Variants in BMPR2 observed in about 807,000 individuals in gnomAD.
BMPR2 encodes the protein bone morphogenetic protein receptor type-2.
Under a neutral mutation model 100.8 loss-of-function variants are expected in BMPR2, and 29 were observed. The observed-to-expected ratio is 0.29, with a 90% CI of 0.21 to 0.39. The LOEUF (loss-of-function observed/expected upper bound fraction) is 0.39. BMPR2 is among the 10% of genes least tolerant of loss of function. BMPR2 has a pLI of 1.00. For synonymous variants in BMPR2, 382 were observed against 442.3 expected, an observed-to-expected ratio of 0.86 and a Z score of 1.71; for missense variants, 1,011 against 1,274.5, an observed-to-expected ratio of 0.79 and a Z score of 3.15.
chr2:202,444,510 G>T (rs1691812438), intron 1 of BMPR2, among the ~76,000 whole-genome samples: 1 of 150,616 alleles, frequency 6.6e-6, no homozygotes, highest in Non-Finnish European at 1.5e-5. Context: ...TTGTGTTGGT[G>T]TTGGTGTATA....
At chr2:202,379,943 C>T (rs567136989) in intron 1 of BMPR2, among the ~76,000 whole-genome samples, 75 of 152,132 alleles carry the variant, frequency 4.9e-4, no homozygotes, top group Non-Finnish European at 9.1e-4. Context: ...CCACAACTTC[C>T]GCCTCCCAGG....
Position 202,464,943 on chromosome 2 carries a change from G to C in BMPR2, c.211G>C (p.Glu71Gln). 6.2e-7 allele frequency: 1 copy of C among 1,614,084 alleles called. No individual in the cohort carries two copies. Among genetic ancestry groups the C allele is most frequent in the Non-Finnish European group, 8.5e-7 (1 of 1,180,020 alleles). ...AGGTAGCACCTGCTATGGCCTTTGG[G>C]AGAAATCAAAAGGGGACATAAATCT... ...SKGSTCYGLWEKSKGDINLVK... is the reference protein window; with the variant it reads ...SKGSTCYGLWQKSKGDINLVK... Residue 71 changes from glutamate to glutamine, a missense_variant, in exon 2 of 13, where the codon GAG becomes CAG. Glu to Gln is a conservative substitution (Grantham distance 29). Transcript: ENST00000374580.
At chr2:202,404,841 CT>C (rs145762044) in intron 1 of BMPR2, among the ~76,000 whole-genome samples, 5 of 150,930 alleles carry the variant, frequency 3.3e-5, no homozygotes, top group Admixed American at 6.6e-5. Flanking sequence ...TGGGTGGAGA[CT>C]TTTTTTTTAA....
At chr2:202,526,242 C>T (rs1687909809) in intron 7 of BMPR2, among the ~76,000 whole-genome samples, 1 of 152,108 alleles carries the variant, frequency 6.6e-6, no homozygotes, top group Non-Finnish European at 1.5e-5. Flanking sequence ...CCCAAAGTTA[C>T]CTTTGCTATA....
chr2:202,515,126 C>T (rs1341918913), intron 5 of BMPR2, 147 bp downstream of exon 5: 3 of 772,074 alleles, frequency 3.9e-6, no homozygotes, highest in African/African-American at 3.4e-5. Context: ...ATTCTAGGCA[C>T]TAGGAACATA....
intron 1 of BMPR2, among the ~76,000 whole-genome samples, chr2:202,444,229 AAGT>A (rs1691804833): frequency 6.6e-6 from 1 of 150,782 alleles, no homozygotes; most frequent in African/African-American, 2.5e-5. Context: ...CAAATAAAAG[AAGT>A]AGGTTACTGC....
chr2:202,504,354 C>T (rs1208904051), intron 3 of BMPR2, among the ~76,000 whole-genome samples: 1 of 152,034 alleles, frequency 6.6e-6, no homozygotes, highest in Non-Finnish European at 1.5e-5. Context: ...CTGAAGCCAG[C>T]GAGACCAGGA....
At chr2:202,452,373 A>T (rs1692008053) in intron 1 of BMPR2, among the ~76,000 whole-genome samples, 1 of 152,184 alleles carries the variant, frequency 6.6e-6, no homozygotes, top group Non-Finnish European at 1.5e-5. Context: ...CATTTTGTTG[A>T]TCACCAATTT....
chr2:202,379,408 C>A (rs574344042), intron 1 of BMPR2, among the ~76,000 whole-genome samples: 1 of 152,326 alleles, frequency 6.6e-6, no homozygotes, highest in East Asian at 1.9e-4. Flanking sequence ...TGCGCCCTCA[C>A]ATACCACATT....
At chr2:202,388,186 C>T (rs890482845) in intron 1 of BMPR2, among the ~76,000 whole-genome samples, 1 of 150,868 alleles carries the variant, frequency 6.6e-6, no homozygotes, top group Non-Finnish European at 1.5e-5. Context: ...TAACTGAGAT[C>T]AGGAGTTTGA....
intron 4 of BMPR2, 28 bp downstream of exon 4, chr2:202,513,857 G>A (rs372591728): frequency 2.0e-6 from 3 of 1,503,560 alleles, no homozygotes; most frequent in Non-Finnish European, 2.8e-6. Context: ...TTGTCCTATT[G>A]TTTATTAAAC....
chr2:202,543,206 T>TTATATACATATATATTTATATA, intron 10 of BMPR2, among the ~76,000 whole-genome samples: 1 of 146,768 alleles, frequency 6.8e-6, no homozygotes, highest in Non-Finnish European at 1.5e-5. Context: ...ATATATATAT[T>TTATATACATATATATTTATATA]TATATACATA....
intron 12 of BMPR2, among the ~76,000 whole-genome samples, chr2:202,559,303 CAAA>C (rs373462571): frequency 7.2e-5 from 10 of 139,780 alleles, no homozygotes; most frequent in East Asian, 2.0e-4. Context: ...CTCCATCCCC[CAAA>C]AAAAAAAAAA....
intron 11 of BMPR2, among the ~76,000 whole-genome samples, chr2:202,554,361 T>C (rs564312659): frequency 3.9e-5 from 6 of 152,312 alleles, no homozygotes; most frequent in African/African-American, 1.4e-4. Flanking sequence ...TCGCCTCCTG[T>C]GTCATTCGGC....
intron 9 of BMPR2, among the ~76,000 whole-genome samples, chr2:202,539,190 G>A (rs1487982021): frequency 1.3e-5 from 2 of 152,058 alleles, no homozygotes; most frequent in Non-Finnish European, 2.9e-5. Context: ...TTCAGCCTGA[G>A]GAAGCTGATT....
At chr2:202,533,269 T>G (rs931841716) in intron 9 of BMPR2, among the ~76,000 whole-genome samples, 2 of 152,078 alleles carry the variant, frequency 1.3e-5, no homozygotes, top group South Asian at 2.1e-4. Flanking sequence ...GAATACTCAT[T>G]GGCCAGGTGC....
At chr2:202,536,295 G>T (rs1688156490) in intron 9 of BMPR2, among the ~76,000 whole-genome samples, 1 of 151,798 alleles carries the variant, frequency 6.6e-6, no homozygotes, top group African/African-American at 2.4e-5. Flanking sequence ...GTATTTTTTT[G>T]TAGAGACAAG....
intron 1 of BMPR2, among the ~76,000 whole-genome samples, chr2:202,440,248 G>A (rs978913938): frequency 3.3e-5 from 5 of 150,590 alleles, no homozygotes; most frequent in African/African-American, 5.0e-5. Context: ...CCTCCCAGAC[G>A]GGGTGGCGGC....
In BMPR2 at chr2:202,560,875, G is replaced by GTTCCATA. The variant is rs1297829519; in HGVS notation, c.*932_*933insCATATTC. On this transcript the variant is annotated 3_prime_UTR_variant, in exon 13 of 13. Transcript: ENST00000374580. ...TTTTCTATGTAGGTTCATGTTCCATGTTCATTTATTTAAGAAATACATTTT... is the reference window on the plus strand; with the variant it reads ...TTTTCTATGTAGGTTCATGTTCCATGTTCCATATTCATTTATTTAAGAAATACATTTT... 6.6e-6 allele frequency: 1 copy of GTTCCATA among 152,026 alleles called. No individual in the cohort carries two copies. Among genetic ancestry groups the GTTCCATA allele is most frequent in the African/African-American group, 2.4e-5 (1 of 41,394 alleles). 9.4% of individuals were successfully genotyped at this position (152,026 alleles called of 1,614,324 possible). A position where few individuals can be genotyped will look rare whatever the true frequency, so the allele number is the denominator to read the frequency against.
Sources: gnomAD v4.1 joint callset for allele counts (sites outside exome capture counted in the v4.1 genomes callset) on GRCh38, gnomAD v4.1.1 for gene constraint, MANE v1.5 for transcripts, NCBI Gene and HGNC (gene_info 2026-07-23, HGNC 2026-07-21) for gene names.